The following WASF1 variants were observed in gnomAD, a reference collection of about 807,000 sequenced individuals.
WASF1 encodes actin-binding protein WASF1.
In WASF1, 7 loss-of-function variants were observed where a neutral mutation model predicts 50.5. The ratio of observed to expected loss-of-function variants is 0.14; its 90% confidence interval spans 0.08 to 0.26. The LOEUF is 0.26. WASF1 is among the 10% of genes least tolerant of loss of function. WASF1 has a pLI of 1.00. For missense variants in WASF1, 470 were observed against 694.7 expected, an observed-to-expected ratio of 0.68 and a Z score of 3.64; for synonymous variants, 205 against 244.0, an observed-to-expected ratio of 0.84 and a Z score of 1.49.
chr6:110,106,038 A>T (rs1773308559), intron 7 of WASF1, among the ~76,000 whole-genome samples: 1 of 152,242 alleles, frequency 6.6e-6, no homozygotes, highest in South Asian at 2.1e-4. Context: ...TATCTAATTA[A>T]CCGATAATAA....
chr6:110,135,785 T>C (rs1255435497), intron 3 of WASF1, among the ~76,000 whole-genome samples: 1 of 150,768 alleles, frequency 6.6e-6, no homozygotes, highest in Non-Finnish European at 1.5e-5. Context: ...TCATTACTTT[T>C]TGGCCTTTTG....
chr6:110,177,945 C>CAA (rs567334488), intron 2 of WASF1, among the ~76,000 whole-genome samples: 2 of 127,794 alleles, frequency 1.6e-5, no homozygotes, highest in African/African-American at 5.5e-5. Flanking sequence ...CTTATATTTG[C>CAA]AAAAAAAAAA....
chr6:110,178,269 A>ATAATATATAATAT (rs1777020847), intron 2 of WASF1, among the ~76,000 whole-genome samples: 1 of 152,204 alleles, frequency 6.6e-6, no homozygotes, highest in Non-Finnish European at 1.5e-5. Context: ...TACTTCATTC[A>ATAATATATAATAT]AATATTCAAT....
At chr6:110,128,886 C>A (rs1306972009) in intron 3 of WASF1, among the ~76,000 whole-genome samples, 2 of 152,126 alleles carry the variant, frequency 1.3e-5, no homozygotes, top group African/African-American at 4.8e-5. Flanking sequence ...TTGTGAACTG[C>A]ACACGTGAGG....
At chr6:110,161,906 A>T (rs1448880626) in intron 2 of WASF1, among the ~76,000 whole-genome samples, 1 of 151,508 alleles carries the variant, frequency 6.6e-6, no homozygotes, top group Non-Finnish European at 1.5e-5. Flanking sequence ...GATTACCCAC[A>T]TATGCAAATA....
At chr6:110,158,745 G>A (rs1432777090) in intron 3 of WASF1, among the ~76,000 whole-genome samples, 1 of 151,854 alleles carries the variant, frequency 6.6e-6, no homozygotes, top group Non-Finnish European at 1.5e-5. Context: ...TATGATTCAT[G>A]TTGGAGTTAA....
At chr6:110,106,140 G>A (rs1773313122) in intron 7 of WASF1, among the ~76,000 whole-genome samples, 1 of 152,198 alleles carries the variant, frequency 6.6e-6, no homozygotes, top group Non-Finnish European at 1.5e-5. Flanking sequence ...GCTAGAGTAA[G>A]TGTAACAAAT....
chr6:110,136,045 A>G (rs969124381), intron 3 of WASF1, among the ~76,000 whole-genome samples: 2 of 151,432 alleles, frequency 1.3e-5, no homozygotes, highest in Non-Finnish European at 2.9e-5. Context: ...CACCATGCCC[A>G]GCTAATTTTT....
chr6:110,103,315 G>A lies in WASF1; in HGVS notation c.893+63C>T, dbSNP rs193134794. 1.8e-5 allele frequency: 27 copies of A among 1,538,582 alleles called. 1 individual carries two copies. The Admixed American group carries it at 2.8e-4, about 16-fold the overall frequency. ...GAAAGCCAAAAATACTTACTATATC[G>A]TCCTTGAAAGAAAAAGCTTACTGAC... is the stretch of plus-strand genomic sequence containing the variant. On this transcript the variant is annotated intron_variant, in intron 9 of 10. Transcript: ENST00000392589.
intron 3 of WASF1, among the ~76,000 whole-genome samples, chr6:110,140,596 G>A (rs1308704512): frequency 1.3e-5 from 2 of 152,158 alleles, no homozygotes; most frequent in Non-Finnish European, 2.9e-5. Flanking sequence ...TTGAATTGAA[G>A]AACACCCAGC....
intron 3 of WASF1, among the ~76,000 whole-genome samples, chr6:110,152,275 A>G (rs553883367): frequency 6.6e-6 from 1 of 152,242 alleles, no homozygotes; most frequent in South Asian, 2.1e-4. Flanking sequence ...GGGAACCTGA[A>G]AGCAGTTCTA....
chr6:110,150,489 C>G (rs1383868590), intron 3 of WASF1, among the ~76,000 whole-genome samples: 1 of 152,148 alleles, frequency 6.6e-6, no homozygotes, highest in Non-Finnish European at 1.5e-5. Context: ...CTCAGTCACA[C>G]TAGCCACATT....
intron 2 of WASF1, among the ~76,000 whole-genome samples, chr6:110,164,312 C>CTTTTGCATATTTT (rs1776381384): frequency 1.3e-5 from 2 of 151,598 alleles, no homozygotes; most frequent in African/African-American, 4.8e-5. Flanking sequence ...TAATAAAAGA[C>CTTTTGCATATTTT]TGTTATTCAG....
At chr6:110,115,413 G>A (rs971805295) in intron 4 of WASF1, among the ~76,000 whole-genome samples, 5 of 151,758 alleles carry the variant, frequency 3.3e-5, no homozygotes, top group Admixed American at 6.6e-5. Flanking sequence ...ACAACAAGAA[G>A]GCATGGACAA....
At chr6:110,135,959 C>T (rs1370236472) in intron 3 of WASF1, among the ~76,000 whole-genome samples, 1 of 143,862 alleles carries the variant, frequency 7.0e-6, no homozygotes, top group African/African-American at 2.6e-5. Flanking sequence ...TCTCAACTCA[C>T]TGCAAGCTCC....
chr6:110,142,975 T>TAAAAAAAAAA (rs1396721363), intron 3 of WASF1, among the ~76,000 whole-genome samples: 10 of 97,904 alleles, frequency 1.0e-4, no homozygotes, highest in South Asian at 6.4e-4. Flanking sequence ...AAAAAAAAAC[T>TAAAAAAAAAA]AAAGCAATTC....
intron 1 of WASF1, among the ~76,000 whole-genome samples, chr6:110,179,207 CA>C (rs1777089062): frequency 6.6e-6 from 1 of 152,140 alleles, no homozygotes; most frequent in Non-Finnish European, 1.5e-5. Context: ...AGCCAAGCCC[CA>C]GGCGCGCCCG....
intron 4 of WASF1, among the ~76,000 whole-genome samples, chr6:110,114,981 A>G (rs923321284): frequency 6.6e-6 from 1 of 151,980 alleles, no homozygotes; most frequent in Admixed American, 6.6e-5. Context: ...AGTCCCAGCT[A>G]CTTGGGGAGG....
intron 3 of WASF1, among the ~76,000 whole-genome samples, chr6:110,146,877 C>T (rs1057414671): frequency 1.3e-5 from 2 of 152,046 alleles, no homozygotes; most frequent in African/African-American, 4.8e-5. Flanking sequence ...ACTCATGAAT[C>T]TCTAAAGGAG....
Sources: allele counts gnomAD v4.1 joint callset (sites outside exome capture counted in the v4.1 genomes callset), GRCh38; gene constraint gnomAD v4.1.1; transcripts MANE v1.5; gene names NCBI Gene and HGNC (gene_info 2026-07-23, HGNC 2026-07-21).